OTUB2: variants seen among roughly 807,000 people sequenced by gnomAD.
The protein encoded by OTUB2 is ubiquitin thioesterase OTUB2.
A neutral mutation model predicts 25.1 loss-of-function variants in OTUB2; 21 were observed. The ratio of observed to expected loss-of-function variants is 0.84; its 90% CI spans 0.59 to 1.21. OTUB2 has a LOEUF of 1.21. Among genes scored for constraint, OTUB2 ranks in the 50% most tolerant of loss-of-function variants. The pLI, the probability that OTUB2 is intolerant of heterozygous loss-of-function variation, is 0.00. For missense variants in OTUB2, 283 were observed against 298.0 expected, an observed-to-expected ratio of 0.95 and a Z score of 0.37; for synonymous variants, 122 against 122.8, an observed-to-expected ratio of 0.99 and a Z score of 0.04.
chr14:94,030,453 G>C (rs1351470768), intron 1 of OTUB2, among the ~76,000 whole-genome samples: 2 of 152,022 alleles, frequency 1.3e-5, no homozygotes, highest in Non-Finnish European at 2.9e-5. Flanking sequence ...CTAGGGAGAG[G>C]TCAGGCCCGG....
chr14:94,046,184 T>A lies in OTUB2; in HGVS notation c.*262T>A, dbSNP rs1343223559. 1 of 563,372 alleles carries A rather than the reference T, an allele frequency of 1.8e-6. No homozygotes were observed. Among genetic ancestry groups the A allele is most frequent in the Admixed American group, 3.1e-5 (1 of 32,664 alleles). The allele number at this position is 563,372 out of a possible 1,614,324, so 34.9% of individuals were successfully genotyped here. A position where few individuals can be genotyped will look rare whatever the true frequency, so the allele number is the denominator to read the frequency against. On this transcript the variant is annotated 3_prime_UTR_variant, in exon 6 of 6. Transcript: ENST00000203664. ...CCCCAGTTCGCAGTGAGGCCCTGGG[T>A]GGGTCACCTGCCCTCTCTGGACTTG... is the stretch of plus-strand genomic sequence containing the variant.
rs1397073808 is a variant in OTUB2, at chr14:94,047,920, A to AAT, written c.*1999_*2000dup. The stretch of plus-strand genomic sequence containing the variant: ...CACAGGGGCCCTCTTCCCAGAAAAG[A>AAT]ATCTATTCTATCACTTCAGAATCAG... On this transcript the variant is annotated 3_prime_UTR_variant, in exon 6 of 6. Transcript: ENST00000203664. 6.6e-6 allele frequency: 1 copy of AAT among 152,222 alleles called. No homozygotes were observed. Among genetic ancestry groups the AAT allele is most frequent in the Non-Finnish European group, 1.5e-5 (1 of 68,062 alleles). 9.4% of individuals were successfully genotyped at this position (152,222 alleles called of 1,614,324 possible). A position where few individuals can be genotyped will look rare whatever the true frequency, so the allele number is the denominator to read the frequency against.
chr14:94,041,005 G>C (rs187697693), intron 3 of OTUB2, among the ~76,000 whole-genome samples: 2 of 152,336 alleles, frequency 1.3e-5, no homozygotes, highest in East Asian at 3.9e-4. Context: ...CTGCCCTGCT[G>C]GCTGCTGTGT....
chr14:94,037,283 G>C, intron 1 of OTUB2, 97 bp from the exon 2 acceptor site: 2 of 755,676 alleles, frequency 2.6e-6, no homozygotes, highest in South Asian at 3.4e-5. Context: ...CTCATTCATT[G>C]TTGTCTGTAA....
intron 1 of OTUB2, among the ~76,000 whole-genome samples, chr14:94,029,131 G>A (rs890164493): frequency 1.3e-5 from 2 of 152,166 alleles, no homozygotes; most frequent in African/African-American, 4.8e-5. Context: ...CACCAATGAG[G>A]GGGAAACCAT....
Position 94,043,959 on chromosome 14 carries a change from C to A in OTUB2, c.219-12C>A. 3 of 1,612,772 alleles carry A rather than the reference C, an allele frequency of 1.9e-6. No homozygotes were observed. The highest frequency in any genetic ancestry group is 2.5e-6 in the Non-Finnish European group (3 of 1,178,744). The stretch of plus-strand genomic sequence containing the variant: ...TGTTTCCCTGTAAACACTCAGTCTT[C>A]CCCCTCTGTAGGTTCAAAGAACGCG... On this transcript the variant is annotated splice_polypyrimidine_tract_variant and intron_variant, in intron 3 of 5. Coordinates refer to ENST00000203664, the MANE Select transcript of OTUB2 (RefSeq NM_023112.4).
chr14:94,039,170 G>C, intron 3 of OTUB2, 89 bp downstream of exon 3: 2 of 1,046,482 alleles, frequency 1.9e-6, no homozygotes, highest in African/African-American at 1.6e-5. Context: ...TTACACTCAG[G>C]CTGGTTAACC....
chr14:94,032,432 C>G (rs988993665), intron 1 of OTUB2, among the ~76,000 whole-genome samples: 2 of 152,000 alleles, frequency 1.3e-5, no homozygotes, highest in Non-Finnish European at 2.9e-5. Flanking sequence ...TAAGAGGTAC[C>G]TAGAGTAGTC....
chr14:94,026,594 G>C, intron 1 of OTUB2, 54 bp downstream of exon 1: 1 of 1,215,374 alleles, frequency 8.2e-7, no homozygotes, highest in South Asian at 3.9e-5. Context: ...CGCGGTGGGC[G>C]GGGTCGCTGC....
Position 94,037,280 on chromosome 14 carries a change from A to G in OTUB2, c.4-100A>G, listed in dbSNP as rs1885072649. On this transcript the variant is annotated intron_variant, in intron 1 of 5. Transcript: ENST00000203664. Reference sequence around the variant, plus strand: ...ATGAGAAGGTGGGAAGGTCTCATTCATTGTTGTCTGTAACCGGCAGTTCAG... The same window carrying G: ...ATGAGAAGGTGGGAAGGTCTCATTCGTTGTTGTCTGTAACCGGCAGTTCAG... 1.1e-5 allele frequency: 8 copies of G among 735,814 alleles called. No homozygotes were observed. The East Asian group carries it at 1.9e-4, about 18-fold the overall frequency. 45.6% of individuals were successfully genotyped at this position (735,814 alleles called of 1,614,324 possible). A position where few individuals can be genotyped will look rare whatever the true frequency, so the allele number is the denominator to read the frequency against.
At chr14:94,041,911 C>T (rs1471174281) in intron 3 of OTUB2, among the ~76,000 whole-genome samples, 2 of 142,184 alleles carry the variant, frequency 1.4e-5, no homozygotes, top group Admixed American at 7.1e-5. Context: ...GTGATTGACT[C>T]GTGAGCACTT....
intron 3 of OTUB2, 140 bp from the exon 4 acceptor site, chr14:94,043,831 G>T: frequency 1.3e-6 from 1 of 759,100 alleles, no homozygotes. Flanking sequence ...GCTGTGTGTT[G>T]GGGGCAGGGG....
At chr14:94,032,459 G>T (rs558796774) in intron 1 of OTUB2, among the ~76,000 whole-genome samples, 1 of 152,178 alleles carries the variant, frequency 6.6e-6, no homozygotes, top group Non-Finnish European at 1.5e-5. Context: ...ATTAGAGACA[G>T]AAAAGTAGAA....
intron 3 of OTUB2, among the ~76,000 whole-genome samples, chr14:94,042,705 G>A (rs1885187254): frequency 6.6e-6 from 1 of 152,182 alleles, no homozygotes; most frequent in Non-Finnish European, 1.5e-5. Context: ...TGAGTGAGAG[G>A]CGTTAGCCAG....
Position 94,044,513 on chromosome 14 carries a change from G to A in OTUB2, c.304-73G>A, listed in dbSNP as rs575051411. Reference sequence around the variant, plus strand: ...ACGTGAGGGCTTCACGCGAAGGGAGGGAGCGGAGGGAGAATGCAGAGGGAG... The same window carrying A: ...ACGTGAGGGCTTCACGCGAAGGGAGAGAGCGGAGGGAGAATGCAGAGGGAG... On this transcript the variant is annotated intron_variant, in intron 4 of 5. Coordinates refer to ENST00000203664, the MANE Select transcript of OTUB2 (RefSeq NM_023112.4). 419 of 1,449,542 alleles carry A rather than the reference G, an allele frequency of 2.9e-4. 3 individuals are homozygous for A. In the South Asian group the frequency reaches 5.0e-3, roughly 17 times the overall value. The allele number at this position is 1,449,542 out of a possible 1,614,324, so 89.8% of individuals were successfully genotyped here. A position where few individuals can be genotyped will look rare whatever the true frequency, so the allele number is the denominator to read the frequency against.
chr14:94,044,923 A>T, intron 5 of OTUB2, 143 bp downstream of exon 5: 1 of 858,772 alleles, frequency 1.2e-6, no homozygotes, highest in Non-Finnish European at 1.7e-6. Context: ...AGCAAGCTGC[A>T]GACAGGTCCC....
At chr14:94,037,584 A>C in intron 2 of OTUB2, 109 bp downstream of exon 2, 1 of 587,590 alleles carries the variant, frequency 1.7e-6, no homozygotes, top group Non-Finnish European at 2.9e-6. Flanking sequence ...GTTCCTGGGC[A>C]AATGAAAGGA....
chr14:94,036,092 C>T (rs370356585), intron 1 of OTUB2, among the ~76,000 whole-genome samples: 1 of 152,216 alleles, frequency 6.6e-6, no homozygotes, highest in South Asian at 2.1e-4. Flanking sequence ...ATCAAAAATC[C>T]GGATGTATTT....
chr14:94,045,410 A>T (rs1346758961), intron 5 of OTUB2, among the ~76,000 whole-genome samples: 1 of 152,134 alleles, frequency 6.6e-6, no homozygotes, highest in Non-Finnish European at 1.5e-5. Flanking sequence ...AACCTGAAAA[A>T]TGTCTGCCCC....
Sources: gnomAD v4.1 joint callset for allele counts (sites outside exome capture counted in the v4.1 genomes callset) on GRCh38, gnomAD v4.1.1 for gene constraint, MANE v1.5 for transcripts, NCBI Gene and HGNC (gene_info 2026-07-23, HGNC 2026-07-21) for gene names.